The following LHFPL3 variants were observed in gnomAD, a reference collection of about 807,000 sequenced individuals.
LHFPL3 encodes LHFPL tetraspan subfamily member 3 protein.
In LHFPL3, 5 loss-of-function variants were observed where a neutral mutation model predicts 19.3. The observed-to-expected ratio is 0.26, with a 90% CI of 0.14 to 0.54. The LOEUF (loss-of-function observed/expected upper bound fraction) is 0.54. Ranked by LOEUF, LHFPL3 falls within the 20% of genes least tolerant of loss-of-function variation. LHFPL3 has a pLI of 0.94. For synonymous variants in LHFPL3, 133 were observed against 126.2 expected (o/e 1.05, Z -0.36); for missense variants, 249 against 307.4 (o/e 0.81, Z 1.42).
chr7:104,822,793 G>T (rs1790700750), intron 2 of LHFPL3, among the ~76,000 whole-genome samples: 1 of 152,094 alleles, frequency 6.6e-6, no homozygotes, highest in Non-Finnish European at 1.5e-5. Context: ...AGGGAGAAAG[G>T]ACATGGATTG....
intron 2 of LHFPL3, among the ~76,000 whole-genome samples, chr7:104,892,363 TA>T (rs1281782621): frequency 6.6e-6 from 1 of 152,092 alleles, no homozygotes; most frequent in Non-Finnish European, 1.5e-5. Context: ...CAGCTCACTG[TA>T]AAAATAAAAA....
At chr7:104,452,992 A>G (rs1373797213) in intron 1 of LHFPL3, among the ~76,000 whole-genome samples, 1 of 152,206 alleles carries the variant, frequency 6.6e-6, no homozygotes, top group Non-Finnish European at 1.5e-5. Flanking sequence ...AAGTCACACA[A>G]ATCAACCTAT....
intron 2 of LHFPL3, among the ~76,000 whole-genome samples, chr7:104,827,680 G>GTCTGA (rs1790852270): frequency 6.6e-6 from 1 of 151,286 alleles, no homozygotes; most frequent in Non-Finnish European, 1.5e-5. Context: ...AGGCCCTGGA[G>GTCTGA]TCTAAAATTA....
chr7:104,393,348 C>G (rs1791116819), intron 1 of LHFPL3, among the ~76,000 whole-genome samples: 1 of 151,666 alleles, frequency 6.6e-6, no homozygotes, highest in Non-Finnish European at 1.5e-5. Context: ...ACATATCACA[C>G]AAAAACATAT....
intron 1 of LHFPL3, among the ~76,000 whole-genome samples, chr7:104,396,696 C>T (rs1791194825): frequency 6.6e-6 from 1 of 150,910 alleles, no homozygotes; most frequent in African/African-American, 2.4e-5. Context: ...GTGGCTCATG[C>T]ATGTCATCCC....
At chr7:104,582,312 T>C (rs1584416437) in intron 1 of LHFPL3, among the ~76,000 whole-genome samples, 1 of 152,156 alleles carries the variant, frequency 6.6e-6, no homozygotes, top group African/African-American at 2.4e-5. Context: ...TGTTTGTGGA[T>C]CTTGTATCTT....
chr7:104,715,897 T>C (rs1201699308), intron 1 of LHFPL3, among the ~76,000 whole-genome samples: 1 of 152,212 alleles, frequency 6.6e-6, no homozygotes, highest in African/African-American at 2.4e-5. Context: ...CAGAGTAATA[T>C]TCGCCTCATA....
intron 1 of LHFPL3, among the ~76,000 whole-genome samples, chr7:104,602,644 A>G (rs969247261): frequency 6.6e-6 from 1 of 152,270 alleles, no homozygotes; most frequent in South Asian, 2.1e-4. Flanking sequence ...TTATGTCAGT[A>G]GAAGAGTTTC....
At chr7:104,492,056 GTTCGAATGT>G (rs1374089955) in intron 1 of LHFPL3, among the ~76,000 whole-genome samples, 1 of 152,116 alleles carries the variant, frequency 6.6e-6, no homozygotes, top group Admixed American at 6.5e-5. Context: ...ATTAATTTGG[GTTCGAATGT>G]TTCTTTCCTT....
At chr7:104,481,183 T>A (rs2115657280) in intron 1 of LHFPL3, among the ~76,000 whole-genome samples, 1 of 152,284 alleles carries the variant, frequency 6.6e-6, no homozygotes, top group Admixed American at 6.5e-5. Flanking sequence ...TCCTCCTAAG[T>A]TCATGGTCCT....
chr7:104,878,624 A>T (rs1791991783), intron 2 of LHFPL3, among the ~76,000 whole-genome samples: 1 of 152,196 alleles, frequency 6.6e-6, no homozygotes, highest in African/African-American at 2.4e-5. Flanking sequence ...CCAATTAATA[A>T]GCCTACTTAA....
At chr7:104,421,511 G>T (rs148637018) in intron 1 of LHFPL3, among the ~76,000 whole-genome samples, 2 of 152,296 alleles carry the variant, frequency 1.3e-5, no homozygotes, top group Non-Finnish European at 2.9e-5. Context: ...TTATTGGGAA[G>T]AGGTCATGAA....
intron 2 of LHFPL3, among the ~76,000 whole-genome samples, chr7:104,739,681 C>T (rs1340934699): frequency 6.6e-6 from 1 of 152,032 alleles, no homozygotes; most frequent in Non-Finnish European, 1.5e-5. Flanking sequence ...GTCAAGGCTT[C>T]CTTTTGGTTT....
At chr7:104,560,166 CT>C (rs1191934176) in intron 1 of LHFPL3, among the ~76,000 whole-genome samples, 1 of 139,110 alleles carries the variant, frequency 7.2e-6, no homozygotes, top group Non-Finnish European at 1.5e-5. Context: ...CTCTGCCCGG[CT>C]TTGGTATCAG....
chr7:104,605,202 A>G (rs1791070375), intron 1 of LHFPL3, among the ~76,000 whole-genome samples: 1 of 152,210 alleles, frequency 6.6e-6, no homozygotes, highest in Admixed American at 6.5e-5. Context: ...TTTGACTGAG[A>G]GTTTTCAATC....
At chr7:104,351,173 C>G (rs1340007756) in intron 1 of LHFPL3, among the ~76,000 whole-genome samples, 1 of 152,052 alleles carries the variant, frequency 6.6e-6, no homozygotes, top group Non-Finnish European at 1.5e-5. Context: ...AAGCAGAGAT[C>G]AATGAGTGCA....
In LHFPL3 at chr7:104,425,278, A is replaced by T. The variant is rs371058040; in HGVS notation, c.445+96054A>T. Among the ~76,000 whole-genome samples the T allele has an allele frequency of 5.0e-4, 76 of 152,254 alleles. 1 individual carries two copies. The highest frequency in any genetic ancestry group is 1.8e-3 in the African/African-American group (75 of 41,544). ...GTATCCCAGTTATTGATAATGACAAAGGAGGTTTATATGTTGCATACACAC... is the reference window on the plus strand; with the variant it reads ...GTATCCCAGTTATTGATAATGACAATGGAGGTTTATATGTTGCATACACAC... On this transcript the variant is annotated intron_variant, in intron 1 of 2. Coordinates refer to ENST00000424859, the MANE Select transcript of LHFPL3 (RefSeq NM_199000.3).
intron 1 of LHFPL3, among the ~76,000 whole-genome samples, chr7:104,365,738 G>A (rs186877144): frequency 0.012 from 1,489 of 127,654 alleles, 38 homozygotes; most frequent in African/African-American, 0.04. Flanking sequence ...CCGAGATTGC[G>A]CCACTGCAGT....
chr7:104,737,036 G>A (rs532548394), intron 2 of LHFPL3, 125 bp downstream of exon 2: 18 of 688,380 alleles, frequency 2.6e-5, no homozygotes, highest in Middle Eastern at 7.7e-4. Flanking sequence ...TTTTAATACC[G>A]TGTAGCTTGC....
Sources: allele counts gnomAD v4.1 joint callset (sites outside exome capture counted in the v4.1 genomes callset), GRCh38; gene constraint gnomAD v4.1.1; transcripts MANE v1.5; gene names NCBI Gene and HGNC (gene_info 2026-07-23, HGNC 2026-07-21).